Variants in LHPP observed in about 807,000 individuals in gnomAD.
The protein encoded by LHPP is phospholysine phosphohistidine inorganic pyrophosphate phosphatase, also known as hLHPP.
A neutral mutation model predicts 30.3 loss-of-function variants in LHPP; 24 were observed. The observed-to-expected ratio is 0.79, with a 90% CI of 0.57 to 1.11. The LOEUF (loss-of-function observed/expected upper bound fraction) is 1.11. LHPP is among the 50% of genes most tolerant of loss of function. LHPP has a pLI of 0.00. For synonymous variants in LHPP, 150 were observed against 157.1 expected (o/e 0.95, Z 0.34); for missense variants, 356 against 367.2 (o/e 0.97, Z 0.25).
intron 6 of LHPP, among the ~76,000 whole-genome samples, chr10:124,581,088 C>A (rs1948737397): frequency 6.6e-6 from 1 of 152,200 alleles, no homozygotes; most frequent in Admixed American, 6.5e-5. Context: ...TAACCCTAAG[C>A]AAATACTCAT....
intron 1 of LHPP, among the ~76,000 whole-genome samples, chr10:124,473,459 G>C (rs906087148): frequency 3.3e-5 from 5 of 152,160 alleles, no homozygotes; most frequent in Admixed American, 2.0e-4. Context: ...GCTTAATCCT[G>C]TCACAGAAAG....
intron 4 of LHPP, 63 bp from the exon 5 acceptor site, chr10:124,497,973 T>C (rs1159983985): frequency 6.1e-6 from 8 of 1,309,996 alleles, no homozygotes; most frequent in Non-Finnish European, 8.9e-6. Flanking sequence ...AGTGTTTCCG[T>C]GGCTGGGCAT....
intron 1 of LHPP, among the ~76,000 whole-genome samples, chr10:124,467,779 G>A (rs888631965): frequency 6.6e-6 from 1 of 151,700 alleles, no homozygotes; most frequent in African/African-American, 2.4e-5. Context: ...GCAGTGGTAT[G>A]ATCTCGGCTC....
intron 2 of LHPP, among the ~76,000 whole-genome samples, chr10:124,486,012 G>C (rs1953313477): frequency 6.6e-6 from 1 of 151,872 alleles, no homozygotes; most frequent in Admixed American, 6.6e-5. Context: ...TTATTATTTA[G>C]ATGCATTTCC....
chr10:124,590,105 T>C lies in LHPP; in HGVS notation c.717-23159T>C, dbSNP rs943950822. Reference sequence around the variant, plus strand: ...ATCCATCGTTCTTTCCAAAGAATAGTGTGAACAGCTCATTCGATTCGTTCA... The same window carrying C: ...ATCCATCGTTCTTTCCAAAGAATAGCGTGAACAGCTCATTCGATTCGTTCA... On this transcript the variant is annotated intron_variant, in intron 6 of 6. Transcript: ENST00000368842. The surrounding 1 kb of genome is among the most constrained non-coding windows in gnomAD (Gnocchi z 4.3). 6.6e-6 allele frequency among the ~76,000 whole-genome samples: 1 copy of C among 152,190 alleles called. No homozygotes were observed. The highest frequency in any genetic ancestry group is 1.5e-5 in the Non-Finnish European group (1 of 68,034).
intron 6 of LHPP, among the ~76,000 whole-genome samples, chr10:124,588,501 C>T (rs1420614524): frequency 3.3e-5 from 5 of 152,192 alleles, no homozygotes; most frequent in Non-Finnish European, 7.3e-5. Context: ...CCAGACTAGT[C>T]TTGAACTCCT....
At chr10:124,512,345 G>A (rs1047079006) in intron 5 of LHPP, among the ~76,000 whole-genome samples, 9 of 152,096 alleles carry the variant, frequency 5.9e-5, no homozygotes, top group Non-Finnish European at 7.4e-5. Context: ...GGCCGGGCGC[G>A]GTGGCTCACA....
chr10:124,487,711 T>C (rs1368584553), intron 2 of LHPP, among the ~76,000 whole-genome samples: 1 of 152,146 alleles, frequency 6.6e-6, no homozygotes. Context: ...CCCAAAGTGC[T>C]GGGATTACAG....
chr10:124,589,358 T>G (rs1948847742), intron 6 of LHPP, among the ~76,000 whole-genome samples: 1 of 152,260 alleles, frequency 6.6e-6, no homozygotes, highest in Non-Finnish European at 1.5e-5. Context: ...GATGGAGCCC[T>G]GTTATCATTC....
At chr10:124,473,324 T>C (rs1447210976) in intron 1 of LHPP, among the ~76,000 whole-genome samples, 1 of 152,208 alleles carries the variant, frequency 6.6e-6, no homozygotes, top group South Asian at 2.1e-4. Flanking sequence ...GGCACGTTGC[T>C]GTCCAGCTTG....
Position 124,613,444 on chromosome 10 carries a change from C to A in LHPP, c.*84C>A. 1 of 943,698 alleles carries A rather than the reference C, an allele frequency of 1.1e-6. No homozygotes were observed. The highest frequency in any genetic ancestry group is 1.4e-5 in the South Asian group (1 of 71,394). 58.5% of individuals were successfully genotyped at this position (943,698 alleles called of 1,614,324 possible). ...CCTCCACCCCTGCCTCTCCTCCACCCGCCCAGGAGAGCCCCACCTCCTCCA... is the reference window on the plus strand; with the variant it reads ...CCTCCACCCCTGCCTCTCCTCCACCAGCCCAGGAGAGCCCCACCTCCTCCA... On this transcript the variant is annotated 3_prime_UTR_variant, in exon 7 of 7. Coordinates refer to ENST00000368842, the MANE Select transcript of LHPP (RefSeq NM_022126.4).
intron 3 of LHPP, chr10:124,489,985 C>G (rs1300474126): frequency 5.9e-6 from 1 of 168,312 alleles, no homozygotes; most frequent in Non-Finnish European, 1.3e-5. Flanking sequence ...GGGTGTCTCT[C>G]TCTGTCTGTG....
chr10:124,557,982 G>A (rs527672564), intron 6 of LHPP, among the ~76,000 whole-genome samples: 1 of 152,296 alleles, frequency 6.6e-6, no homozygotes, highest in East Asian at 1.9e-4. Context: ...CTGACACCGT[G>A]ACACTGCGCA....
chr10:124,591,349 A>G (rs1026390472), intron 6 of LHPP, among the ~76,000 whole-genome samples: 25 of 152,110 alleles, frequency 1.6e-4, no homozygotes, highest in Non-Finnish European at 8.8e-5. Context: ...TGGAGGACAC[A>G]GTCCATACCA....
chr10:124,560,047 C>T (rs1948368284), intron 6 of LHPP, among the ~76,000 whole-genome samples: 1 of 152,208 alleles, frequency 6.6e-6, no homozygotes, highest in Non-Finnish European at 1.5e-5. Context: ...TAGCCTGTAC[C>T]AGGGCACTGG....
intron 6 of LHPP, among the ~76,000 whole-genome samples, chr10:124,608,692 A>T (rs7079227): frequency 0.35 from 48,369 of 138,826 alleles, 8,646 homozygotes; most frequent in Non-Finnish European, 0.43. Flanking sequence ...GCTCAGAGGG[A>T]CCCCCACCCC....
intron 5 of LHPP, among the ~76,000 whole-genome samples, chr10:124,506,398 C>A (rs1177442615): frequency 6.6e-6 from 1 of 151,860 alleles, no homozygotes; most frequent in Admixed American, 6.6e-5. Flanking sequence ...CATGGGACCA[C>A]CCCCTTCCCA....
Position 124,523,150 on chromosome 10 carries a change from C to G in LHPP, c.716+5879C>G, listed in dbSNP as rs1423370308. ...ATGCGGAGCTCGCCTCTGGTCTTCTCTTATTGTTTACCCAAGGCTGGCAGA... is the reference window on the plus strand; with the variant it reads ...ATGCGGAGCTCGCCTCTGGTCTTCTGTTATTGTTTACCCAAGGCTGGCAGA... On this transcript the variant is annotated intron_variant, in intron 6 of 6. Coordinates refer to ENST00000368842, the MANE Select transcript of LHPP (RefSeq NM_022126.4). The surrounding 1 kb of genome is among the most constrained non-coding windows in gnomAD (Gnocchi z 4.2). Among the ~76,000 whole-genome samples, 4 of 152,274 alleles carry G rather than the reference C, an allele frequency of 2.6e-5. No individual in the cohort carries two copies. Among genetic ancestry groups the G allele is most frequent in the African/African-American group, 7.2e-5 (3 of 41,478 alleles).
At chr10:124,516,315 G>A (rs1954453068) in intron 5 of LHPP, among the ~76,000 whole-genome samples, 1 of 152,212 alleles carries the variant, frequency 6.6e-6, no homozygotes, top group South Asian at 2.1e-4. Context: ...CTCTGGTAAG[G>A]ACAGCAGTCC....
Sources: gnomAD v4.1 joint callset for allele counts (sites outside exome capture counted in the v4.1 genomes callset) on GRCh38, gnomAD v4.1.1 for gene constraint, Gnocchi (gnomAD v3.1) non-coding constraint, MANE v1.5 for transcripts, NCBI Gene and HGNC (gene_info 2026-07-23, HGNC 2026-07-21) for gene names.